Variants in OR8J1 observed in about 807,000 individuals in gnomAD.
OR8J1 encodes the protein olfactory receptor 8J1.
For missense variants in OR8J1, 400 were observed against 373.0 expected (o/e 1.07, Z -0.60); for synonymous variants, 157 against 144.3 (o/e 1.09, Z -0.63).
chr11:56,358,094 A>G (rs983061830), intron 1 of OR8J1: 7 of 521,422 alleles, frequency 1.3e-5, no homozygotes, highest in Admixed American at 2.7e-5. Flanking sequence ...TATGAAAAGA[A>G]GCCCAAGACA....
At position 56,360,235 on chromosome 11, in the gene OR8J1, C is replaced by T. The variant is rs1852614596; in HGVS notation, c.-12C>T. Reference sequence around the variant, plus strand: ...TCTTTTCCCCCAAACAGATGAATTTCCAAACTCTGACATGGCTCCTGAAAA... The same window carrying T: ...TCTTTTCCCCCAAACAGATGAATTTTCAAACTCTGACATGGCTCCTGAAAA... On this transcript the variant is annotated 5_prime_UTR_variant, in exon 2 of 2. Coordinates refer to ENST00000533152, the MANE Select transcript of OR8J1 (RefSeq NM_001005205.3). 6.5e-7 allele frequency: 1 copy of T among 1,547,236 alleles called. No homozygotes were observed. The highest frequency in any genetic ancestry group is 1.4e-5 in the African/African-American group (1 of 72,140).
chr11:56,360,228 T>C lies in OR8J1; in HGVS notation c.-19T>C, dbSNP rs1168190521. The C allele has an allele frequency of 1.3e-6, 2 of 1,541,550 alleles. No homozygotes were observed. The highest frequency in any genetic ancestry group is 2.3e-5 in the East Asian group (1 of 44,430). ...TAACCTCTCTTTTCCCCCAAACAGA[T>C]GAATTTCCAAACTCTGACATGGCTC... On this transcript the variant is annotated splice_region_variant and 5_prime_UTR_variant, in exon 2 of 2. An upstream start codon of the reference 5' UTR is lost. Transcript: ENST00000533152.
rs1403385852 is a variant in OR8J1, at chr11:56,360,845, T to TTA, written c.603_604dup (p.Ser202TyrfsTer11). On this transcript the variant is annotated frameshift_variant, in exon 2 of 2. Transcript: ENST00000533152. LOFTEE classifies it low-confidence loss of function (END_TRUNC). ...ACTTACTTACCAGAAACAGTTGTCT[T>TTA]TATATCTGCAGCAACAAATGTGGTT... is the stretch of plus-strand genomic sequence containing the variant. The TTA allele has an allele frequency of 2.6e-6, 4 of 1,520,272 alleles. No individual in the cohort carries two copies. The highest frequency in any genetic ancestry group is 3.5e-6 in the Non-Finnish European group (4 of 1,140,314). The allele number at this position is 1,520,272 out of a possible 1,614,324, so 94.2% of individuals were successfully genotyped here. A position where few individuals can be genotyped will look rare whatever the true frequency, so the allele number is the denominator to read the frequency against.
rs745806451 is a variant in OR8J1, at chr11:56,360,793, C to G, written c.547C>G (p.Pro183Ala). 3.8e-6 allele frequency: 6 copies of G among 1,571,598 alleles called. No homozygotes were observed. The highest frequency in any genetic ancestry group is 5.2e-6 in the Non-Finnish European group (6 of 1,164,144). Residue 183 changes from proline (P) to alanine (A), a missense_variant, in exon 2 of 2, where the codon CCT becomes GCT. Transcript: ENST00000533152. ...IINHFYCDNV[P>A]LLALSCSDTY... is the part of the protein sequence containing the mutation. The stretch of plus-strand genomic sequence containing the variant: ...CAATCATTTTTACTGTGATAATGTT[C>G]CTCTGTTAGCATTATCTTGCTCTGA...
rs1709595090 is a variant in OR8J1, at chr11:56,360,345, G to A, written c.99G>A (p.Val33=). Residue 33 remains valine (V), a synonymous_variant, in exon 2 of 2, where the codon GTG becomes GTA. Coordinates refer to ENST00000533152, the MANE Select transcript of OR8J1 (RefSeq NM_001005205.3). ...LQIPLFLVFL[V]LYGLTMAGNL... ...TTCCCCTCTTCCTGGTCTTTCTGGTGCTCTATGGGCTGACCATGGCAGGGA... is the reference window on the plus strand; with the variant it reads ...TTCCCCTCTTCCTGGTCTTTCTGGTACTCTATGGGCTGACCATGGCAGGGA... The A allele has an allele frequency of 1.2e-6, 2 of 1,614,050 alleles. No individual in the cohort carries two copies. Among genetic ancestry groups the A allele is most frequent in the South Asian group, 1.1e-5 (1 of 91,074 alleles).
intron 1 of OR8J1, 64 bp from the exon 2 acceptor site, chr11:56,360,163 C>T: frequency 9.5e-7 from 1 of 1,047,924 alleles, no homozygotes; most frequent in Non-Finnish European, 1.4e-6. Context: ...ATTGTCCTAG[C>T]CATATAAGGG....
intron 1 of OR8J1, 24 bp from the exon 2 acceptor site, chr11:56,360,203 T>C: frequency 6.8e-7 from 1 of 1,476,306 alleles, no homozygotes; most frequent in South Asian, 1.3e-5. Context: ...TTAAAGTTTT[T>C]AACCTCTCTT....
chr11:56,359,426 CT>C (rs1375693598), intron 1 of OR8J1, among the ~76,000 whole-genome samples: 1 of 151,518 alleles, frequency 6.6e-6, no homozygotes, highest in Admixed American at 6.6e-5. Context: ...AAAATAATAT[CT>C]AATTATATAA....
chr11:56,357,223 C>A (rs758121941), intron 1 of OR8J1: 18 of 279,882 alleles, frequency 6.4e-5, no homozygotes, highest in Admixed American at 9.7e-5. Context: ...AACTTAAAGC[C>A]AATAATGTTT....
At chr11:56,360,142 G>A (rs7952302) in intron 1 of OR8J1, 85 bp from the exon 2 acceptor site, 59,827 of 837,916 alleles carry the variant, frequency 0.071, 2,597 homozygotes, top group Non-Finnish European at 0.083. Context: ...TCAAAGAAAT[G>A]TTATCAGGGA....
Position 56,361,213 on chromosome 11 carries a change from G to A in OR8J1, c.*16G>A. ...AACAATGTAATTTTAAACAGTACAGGTAAATGAGGAGAGAGTTAATATAAG... is the reference window on the plus strand; with the variant it reads ...AACAATGTAATTTTAAACAGTACAGATAAATGAGGAGAGAGTTAATATAAG... On this transcript the variant is annotated 3_prime_UTR_variant, in exon 2 of 2. Transcript: ENST00000533152. 20 of 1,057,616 alleles carry A rather than the reference G, an allele frequency of 1.9e-5. No individual in the cohort carries two copies. Among genetic ancestry groups the A allele is most frequent in the Non-Finnish European group, 2.5e-5 (20 of 792,492 alleles). The allele number at this position is 1,057,616 out of a possible 1,614,324, so 65.5% of individuals were successfully genotyped here.
intron 1 of OR8J1, among the ~76,000 whole-genome samples, chr11:56,355,004 G>A (rs1854948471): frequency 6.6e-6 from 1 of 151,998 alleles, no homozygotes; most frequent in South Asian, 2.1e-4. Context: ...AAGACTTTAA[G>A]ATACACTATC....
intron 1 of OR8J1, chr11:56,358,121 G>A (rs1852583613): frequency 2.1e-6 from 1 of 465,814 alleles, no homozygotes; most frequent in Non-Finnish European, 3.9e-6. Flanking sequence ...ATGAAGAAGA[G>A]GCAGAACCAT....
chr11:56,360,850 T>A lies in OR8J1; in HGVS notation c.604T>A (p.Ser202Thr). 6.6e-7 allele frequency: 1 copy of A among 1,516,912 alleles called. No homozygotes were observed. Among genetic ancestry groups the A allele is most frequent in the Non-Finnish European group, 8.8e-7 (1 of 1,138,394 alleles). The allele number at this position is 1,516,912 out of a possible 1,614,324, so 94.0% of individuals were successfully genotyped here. The change falls in exon 2 of 2, where the codon TCT (serine) becomes ACT (threonine). Residue 202 changes from serine (S) to threonine (T), a missense_variant. By Grantham distance (58) the Ser-to-Thr change is moderately conservative (BLOSUM62 1). Coordinates refer to ENST00000533152, the MANE Select transcript of OR8J1 (RefSeq NM_001005205.3). ...CTTACCAGAAACAGTTGTCTTTATA[T>A]CTGCAGCAACAAATGTGGTTGGTTC... ...TYLPETVVFI[S>T]AATNVVGSLI... is the part of the protein sequence containing the mutation.
At chr11:56,354,645 A>T (rs1854944002) in intron 1 of OR8J1, among the ~76,000 whole-genome samples, 1 of 152,186 alleles carries the variant, frequency 6.6e-6, no homozygotes, top group Non-Finnish European at 1.5e-5. Flanking sequence ...GTATTATTGC[A>T]ATATTATTTA....
chr11:56,359,166 C>A (rs2134915195), intron 1 of OR8J1, among the ~76,000 whole-genome samples: 1 of 151,964 alleles, frequency 6.6e-6, no homozygotes, highest in Non-Finnish European at 1.5e-5. Context: ...AACAGGGGAA[C>A]TATAAATTGT....
Position 56,360,806 on chromosome 11 carries a change from T to G in OR8J1, c.560T>G (p.Leu187Ter). The change falls in exon 2 of 2, where the codon TTA becomes TGA. Residue 187 changes from leucine (L) to a stop codon, truncating the protein, a stop_gained. Coordinates refer to ENST00000533152, the MANE Select transcript of OR8J1 (RefSeq NM_001005205.3). LOFTEE classifies it low-confidence loss of function (END_TRUNC). Reference protein sequence around the residue: ...FYCDNVPLLALSCSDTYLPET... With the variant: ...FYCDNVPLLA ...TGTGATAATGTTCCTCTGTTAGCAT[T>G]ATCTTGCTCTGATACTTACTTACCA... The G allele has an allele frequency of 1.9e-6, 3 of 1,557,630 alleles. No individual in the cohort carries two copies. The highest frequency in any genetic ancestry group is 2.6e-6 in the Non-Finnish European group (3 of 1,158,752).
At position 56,361,438 on chromosome 11, in the gene OR8J1, A is replaced by G. The variant is rs1241070834; in HGVS notation, c.*241A>G. On this transcript the variant is annotated 3_prime_UTR_variant, in exon 2 of 2. Transcript: ENST00000533152. ...CAATTCTGCCTGGGATTAAGCAGGT[A>G]GACAGTTTGAAATAAAAATGGTTTC... is the stretch of plus-strand genomic sequence containing the variant. 4 of 371,312 alleles carry G rather than the reference A, an allele frequency of 1.1e-5. No homozygotes were observed. Among genetic ancestry groups the G allele is most frequent in the African/African-American group, 4.2e-5 (2 of 48,096 alleles). The allele number at this position is 371,312 out of a possible 1,614,324, so 23.0% of individuals were successfully genotyped here. A position where few individuals can be genotyped will look rare whatever the true frequency, so the allele number is the denominator to read the frequency against.
chr11:56,357,821 T>G (rs986903728), intron 1 of OR8J1: 17 of 1,065,964 alleles, frequency 1.6e-5, no homozygotes, highest in African/African-American at 1.2e-4. Flanking sequence ...TGAAGGAAGC[T>G]GCGGTTGGAG....
Sources: gnomAD v4.1 joint callset for allele counts (sites outside exome capture counted in the v4.1 genomes callset) on GRCh38, gnomAD v4.1.1 for gene constraint, MANE v1.5 for transcripts, NCBI Gene and HGNC (gene_info 2026-07-23, HGNC 2026-07-21) for gene names.